SUMF1: variants seen among roughly 807,000 people sequenced by gnomAD.
SUMF1 encodes the protein formylglycine-generating enzyme.
Under a neutral mutation model 47.6 loss-of-function variants are expected in SUMF1, and 48 were observed. That is an observed-to-expected ratio of 1.01 (90% CI 0.80 to 1.28). SUMF1 has a LOEUF of 1.28. SUMF1 is among the 50% of genes most tolerant of loss of function. SUMF1 has a pLI of 0.00. For missense variants in SUMF1, 571 were observed against 485.4 expected (o/e 1.18, Z -1.66); for synonymous variants, 230 against 192.1 (o/e 1.20, Z -1.63).
At chr3:4,175,932 G>C (rs960435402) in intron 8 of SUMF1, among the ~76,000 whole-genome samples, 4 of 151,984 alleles carry the variant, frequency 2.6e-5, no homozygotes, top group African/African-American at 7.3e-5. Context: ...CGGAAGAAAG[G>C]GTATCAGTGA....
Position 4,152,828 on chromosome 3 carries a change from C to T in SUMF1, c.1015-84083G>A, listed in dbSNP as rs534648403. On this transcript the variant is annotated intron_variant and NMD_transcript_variant, in intron 8 of 12. Coordinates refer to the SUMF1 transcript ENST00000448413. ...AACCCCAGACACTTAACTCCAAAAG[C>T]GCTATTGAGTAATATCATTGTTACT... 1.1e-4 allele frequency among the ~76,000 whole-genome samples: 17 copies of T among 151,596 alleles called. 1 individual carries two copies. Among genetic ancestry groups the T allele is most frequent in the East Asian group, 5.8e-4 (3 of 5,178 alleles).
chr3:4,194,792 T>C (rs1262746016), intron 8 of SUMF1, among the ~76,000 whole-genome samples: 1 of 152,198 alleles, frequency 6.6e-6, no homozygotes, highest in East Asian at 1.9e-4. Context: ...AAGCACCCAT[T>C]AATACGGTCA....
intron 7 of SUMF1, among the ~76,000 whole-genome samples, 162 bp downstream of exon 7, chr3:4,410,703 G>A (rs1380205824): frequency 6.6e-6 from 1 of 152,184 alleles, no homozygotes; most frequent in African/African-American, 2.4e-5. Context: ...ATGCTCTGAG[G>A]TTGAAATAAG....
intron 8 of SUMF1, among the ~76,000 whole-genome samples, chr3:4,068,948 G>A (rs795736): frequency 0.24 from 36,598 of 151,962 alleles, 5,085 homozygotes; most frequent in Admixed American, 0.3. Flanking sequence ...TTTGAGCACT[G>A]ACAATCTGAC....
intron 8 of SUMF1, among the ~76,000 whole-genome samples, chr3:4,246,278 C>G (rs1696668239): frequency 6.6e-6 from 1 of 152,082 alleles, no homozygotes; most frequent in South Asian, 2.1e-4. Context: ...CACTGTCCAA[C>G]CAGACCCAAT....
intron 8 of SUMF1, among the ~76,000 whole-genome samples, chr3:4,101,072 A>G (rs1693020706): frequency 6.6e-6 from 1 of 152,094 alleles, no homozygotes; most frequent in Non-Finnish European, 1.5e-5. Context: ...AAATTCATAT[A>G]AACAGTATGG....
intron 8 of SUMF1, among the ~76,000 whole-genome samples, chr3:4,252,439 T>C (rs1051775441): frequency 2.0e-5 from 3 of 151,954 alleles, no homozygotes; most frequent in East Asian, 1.9e-4. Flanking sequence ...TCCCAAAATA[T>C]AAAAATAAAA....
chr3:4,211,693 G>C (rs993348331), intron 8 of SUMF1, among the ~76,000 whole-genome samples: 25 of 152,010 alleles, frequency 1.6e-4, no homozygotes, highest in Non-Finnish European at 3.5e-4. Flanking sequence ...GGTACTATAA[G>C]GTAAAACCAC....
rs183079499 is a variant in SUMF1, at chr3:4,040,480, T to C, written c.1191+28089A>G. 3.7e-3 allele frequency among the ~76,000 whole-genome samples: 558 copies of C among 152,280 alleles called. 4 individuals carry two copies. Among genetic ancestry groups the C allele is most frequent in the African/African-American group, 0.013 (542 of 41,566 alleles). On this transcript the variant is annotated intron_variant and NMD_transcript_variant, in intron 9 of 12. Coordinates refer to the SUMF1 transcript ENST00000448413. ...TTAGCATTTTAATCAATGATTTAGA[T>C]GAAGATATACGGGATATATTTATTG...
At chr3:4,435,867 A>G (rs140348956) in intron 3 of SUMF1, among the ~76,000 whole-genome samples, 60 of 152,368 alleles carry the variant, frequency 3.9e-4, no homozygotes, top group Non-Finnish European at 6.5e-4. Flanking sequence ...AAAAAGTACT[A>G]CAGGAAGTTT....
At chr3:4,259,325 C>T (rs1697034352) in intron 8 of SUMF1, among the ~76,000 whole-genome samples, 1 of 152,078 alleles carries the variant, frequency 6.6e-6, no homozygotes, top group Non-Finnish European at 1.5e-5. Flanking sequence ...TGTTCCTGTA[C>T]TTTCATGGCT....
At position 4,467,161 on chromosome 3, in the gene SUMF1, A is replaced by G; in HGVS notation, c.85T>C (p.Cys29Arg). The G allele has an allele frequency of 6.2e-7, 1 of 1,602,408 alleles. No individual in the cohort carries two copies. Among genetic ancestry groups the G allele is most frequent in the Non-Finnish European group, 8.5e-7 (1 of 1,175,468 alleles). The change falls in exon 1 of 9, where the codon TGT becomes CGT. Residue 29 changes from cysteine (C) to arginine (R), a missense_variant. Physicochemically the swap from Cys to Arg is radical, Grantham distance 180 (BLOSUM62 -3). Transcript: ENST00000272902. The part of the protein sequence containing the change: ...VLLLLLLSLL[C>R]GAAGSQEAGT... The stretch of plus-strand genomic sequence containing the variant: ...GCCTCCTGGCTCCCTGCCGCTCCAC[A>G]CAGCAGCGAGAGCAGCAGCAGCAAG...
At chr3:4,073,581 C>T (rs1328837650) in intron 8 of SUMF1, among the ~76,000 whole-genome samples, 2 of 152,166 alleles carry the variant, frequency 1.3e-5, no homozygotes, top group South Asian at 2.1e-4. Flanking sequence ...GTGCAGTATT[C>T]AGGAGACCCA....
intron 8 of SUMF1, among the ~76,000 whole-genome samples, chr3:4,123,105 T>C (rs1380320263): frequency 6.6e-6 from 1 of 152,130 alleles, no homozygotes; most frequent in Non-Finnish European, 1.5e-5. Flanking sequence ...AGAAAAAAGA[T>C]AAATTCAGAT....
In SUMF1 at chr3:4,345,352, A is replaced by G. The variant is rs192076503; in HGVS notation, c.1014+30978T>C. Among the ~76,000 whole-genome samples, 119 of 152,350 alleles carry G rather than the reference A, an allele frequency of 7.8e-4. 2 individuals carry two copies. The East Asian group carries it at 0.019, about 25-fold the overall frequency. On this transcript the variant is annotated intron_variant and NMD_transcript_variant, in intron 8 of 12. Transcript: ENST00000448413. ...GCGGATCTCTTGGCAGAAACTCTAC[A>G]AGCCAGAAGACAGTGGGGGCCAATA... is the stretch of plus-strand genomic sequence containing the variant.
chr3:4,397,254 C>T (rs753779929), intron 7 of SUMF1, among the ~76,000 whole-genome samples: 5 of 152,210 alleles, frequency 3.3e-5, no homozygotes, highest in African/African-American at 4.8e-5. Flanking sequence ...AATGCAAAGG[C>T]AACTTCTAGG....
chr3:4,177,508 C>T lies in SUMF1; in HGVS notation c.1015-108763G>A, dbSNP rs768550396. ...GAAACCAATGAGAACAAAGACATAACGTACCAGAATCTCTGGGACACATTT... is the reference window on the plus strand; with the variant it reads ...GAAACCAATGAGAACAAAGACATAATGTACCAGAATCTCTGGGACACATTT... On this transcript the variant is annotated intron_variant and NMD_transcript_variant, in intron 8 of 12. Coordinates refer to the SUMF1 transcript ENST00000448413. Among the ~76,000 whole-genome samples the T allele has an allele frequency of 5.9e-5, 9 of 152,118 alleles. 1 individual carries two copies. Among genetic ancestry groups the T allele is most frequent in the Non-Finnish European group, 8.8e-5 (6 of 68,004 alleles).
intron 9 of SUMF1, among the ~76,000 whole-genome samples, chr3:4,040,996 G>C (rs576728070): frequency 7.5e-4 from 114 of 152,310 alleles, no homozygotes; most frequent in African/African-American, 2.7e-3. Flanking sequence ...CTTGGGGTCT[G>C]AAGTTTATGG....
chr3:4,378,101 T>A (rs1359481769), intron 7 of SUMF1, among the ~76,000 whole-genome samples: 2 of 152,214 alleles, frequency 1.3e-5, no homozygotes, highest in Non-Finnish European at 2.9e-5. Flanking sequence ...AAATCCATCA[T>A]AAGTTGAAAA....
Sources: allele counts gnomAD v4.1 joint callset (sites outside exome capture counted in the v4.1 genomes callset), GRCh38; gene constraint gnomAD v4.1.1; transcripts MANE v1.5; gene names NCBI Gene and HGNC (gene_info 2026-07-23, HGNC 2026-07-21).